The following TANC2 variants were observed in gnomAD, a reference collection of about 807,000 sequenced individuals.
TANC2 encodes tetratricopeptide repeat, ankyrin repeat and coiled-coil containing 2.
Under a neutral mutation model 210.5 loss-of-function variants are expected in TANC2, and 26 were observed. The observed-to-expected ratio is 0.12, with a 90% CI of 0.09 to 0.17. TANC2 has a LOEUF of 0.17. Ranked by LOEUF, TANC2 falls within the 10% of genes least tolerant of loss-of-function variation. The pLI is 1.00. For missense variants in TANC2, 2,129 were observed against 2,608.9 expected (o/e 0.82, Z 4.01); for synonymous variants, 931 against 967.1 (o/e 0.96, Z 0.69).
chr17:63,361,609 G>T (rs1385849135), intron 14 of TANC2, among the ~76,000 whole-genome samples: 2 of 152,224 alleles, frequency 1.3e-5, no homozygotes, highest in African/African-American at 2.4e-5. Context: ...GCCCAAAGAG[G>T]GTGTCACAGC....
chr17:63,342,439 AACTGCTC>A (rs1458917795), intron 12 of TANC2, among the ~76,000 whole-genome samples: 3 of 152,152 alleles, frequency 2.0e-5, no homozygotes, highest in Admixed American at 2.0e-4. Context: ...TGAATATAGA[AACTGCTC>A]ACATGTAGGA....
chr17:63,420,551 A>C lies in TANC2; in HGVS notation c.4821A>C (p.Gly1607=), dbSNP rs765936077. Residue 1607 remains glycine (G), a synonymous_variant, in exon 28 of 28, where the codon GGA becomes GGC. Transcript: ENST00000689528. This position sits in a 1 kb window ranked among gnomAD's most constrained non-coding sequence, Gnocchi z 4.2. ...GTTTCAGCCCCCCTCCTGTGGGAGG[A>C]CAGGGCAAAGAATACCCAAGCCCTC... 23 of 1,613,712 alleles carry C rather than the reference A, an allele frequency of 1.4e-5. No individual in the cohort carries two copies. Among genetic ancestry groups the C allele is most frequent in the Non-Finnish European group, 1.9e-5 (23 of 1,179,852 alleles).
At chr17:63,034,904 A>G (rs1290717844) in intron 2 of TANC2, among the ~76,000 whole-genome samples, 2 of 152,350 alleles carry the variant, frequency 1.3e-5, no homozygotes, top group East Asian at 3.9e-4. Context: ...TGCTGTGAAC[A>G]TTGTTGAAAT....
intron 8 of TANC2, among the ~76,000 whole-genome samples, chr17:63,266,488 T>C (rs2043531824): frequency 6.6e-6 from 1 of 152,174 alleles, no homozygotes; most frequent in Non-Finnish European, 1.5e-5. Context: ...TTACTTACTG[T>C]CATAATTCTT....
intron 1 of TANC2, among the ~76,000 whole-genome samples, chr17:62,991,639 CAAAAA>C (rs576514397): frequency 1.1e-4 from 7 of 62,672 alleles, no homozygotes; most frequent in African/African-American, 2.2e-4. Context: ...GACTCCGTCT[CAAAAA>C]AAAAAAAAAC....
chr17:62,984,515 TCTTG>T (rs1184810930), intron 1 of TANC2, among the ~76,000 whole-genome samples: 2 of 152,034 alleles, frequency 1.3e-5, no homozygotes, highest in Non-Finnish European at 2.9e-5. Flanking sequence ...TTCGGCTTGT[TCTTG>T]CTTTTCTAGT....
chr17:63,286,628 G>A (rs2044229546), intron 9 of TANC2, among the ~76,000 whole-genome samples: 1 of 152,030 alleles, frequency 6.6e-6, no homozygotes, highest in African/African-American at 2.4e-5. Context: ...GAACTTCTTG[G>A]ATCAGTGGGC....
intron 5 of TANC2, among the ~76,000 whole-genome samples, chr17:63,178,112 A>G (rs1013319179): frequency 6.6e-6 from 1 of 152,194 alleles, no homozygotes; most frequent in Non-Finnish European, 1.5e-5. Flanking sequence ...TGGGCGGGTC[A>G]CAAGGTCAGG....
intron 8 of TANC2, among the ~76,000 whole-genome samples, chr17:63,251,913 C>T (rs2043063455): frequency 6.6e-6 from 1 of 151,990 alleles, no homozygotes. Flanking sequence ...TAAATCAAGG[C>T]GATAGAATAG....
chr17:63,308,510 G>A (rs900500564), intron 9 of TANC2, among the ~76,000 whole-genome samples: 2 of 152,100 alleles, frequency 1.3e-5, no homozygotes, highest in South Asian at 2.1e-4. Flanking sequence ...TATAAACCAA[G>A]TACTCAGCCT....
intron 9 of TANC2, among the ~76,000 whole-genome samples, chr17:63,304,008 A>G (rs1258547003): frequency 6.6e-6 from 1 of 151,990 alleles, no homozygotes; most frequent in African/African-American, 2.4e-5. Flanking sequence ...CAAGGTTCTT[A>G]GCTTCTTTGC....
chr17:63,284,078 A>G (rs1340620971), intron 9 of TANC2, among the ~76,000 whole-genome samples: 1 of 151,978 alleles, frequency 6.6e-6, no homozygotes, highest in Non-Finnish European at 1.5e-5. Flanking sequence ...ACCATTAGCT[A>G]TGTCAATATG....
Position 63,277,090 on chromosome 17 carries a change from T to C in TANC2, c.1159+9217T>C, listed in dbSNP as rs1302087801. The stretch of plus-strand genomic sequence containing the variant: ...CCTCTCTTCCTAAATAGTACTTCAG[T>C]TTTCCTCTCACTTGAGCTTTAAATC... On this transcript the variant is annotated intron_variant, in intron 9 of 27. Coordinates refer to ENST00000689528, the Ensembl canonical transcript of TANC2. 3.9e-5 allele frequency among the ~76,000 whole-genome samples: 6 copies of C among 152,064 alleles called. No homozygotes were observed. The East Asian group carries it at 1.2e-3, about 29-fold the overall frequency.
intron 9 of TANC2, among the ~76,000 whole-genome samples, chr17:63,293,661 A>G (rs1010628367): frequency 2.6e-5 from 4 of 152,220 alleles, no homozygotes; most frequent in Middle Eastern, 6.8e-3. Context: ...TTGACTGGAC[A>G]GATCTGTTAG....
chr17:63,276,431 G>T (rs549137106), intron 9 of TANC2, among the ~76,000 whole-genome samples: 11 of 150,720 alleles, frequency 7.3e-5, no homozygotes, highest in South Asian at 4.2e-4. Flanking sequence ...ACATTTTCAG[G>T]TATTAAATGT....
rs537168619 is a variant in TANC2, at chr17:63,158,318, C to T, written c.433+6938C>T. Among the ~76,000 whole-genome samples, 6 of 152,326 alleles carry T rather than the reference C, an allele frequency of 3.9e-5. No homozygotes were observed. The South Asian group carries it at 1.2e-3, about 32-fold the overall frequency. Reference sequence around the variant, plus strand: ...GCTAGTACCTATAATTTACTTAGCACAATGCCTGGAACATCAGTTATTGCT... The same window carrying T: ...GCTAGTACCTATAATTTACTTAGCATAATGCCTGGAACATCAGTTATTGCT... On this transcript the variant is annotated intron_variant, in intron 5 of 27. Coordinates refer to ENST00000689528, the Ensembl canonical transcript of TANC2.
chr17:63,406,857 A>G (rs776277685), intron 21 of TANC2, among the ~76,000 whole-genome samples: 2 of 152,198 alleles, frequency 1.3e-5, no homozygotes, highest in East Asian at 1.9e-4. Context: ...TCACCTGTGC[A>G]TAACAGTGGC....
chr17:62,968,764 T>G (rs2031513224), intron 1 of TANC2, among the ~76,000 whole-genome samples: 1 of 151,898 alleles, frequency 6.6e-6, no homozygotes, highest in Non-Finnish European at 1.5e-5. Flanking sequence ...GTGAATCACC[T>G]ATTTTCTTCA....
chr17:63,147,808 T>C lies in TANC2; in HGVS notation c.323-3462T>C, dbSNP rs183636511. Among the ~76,000 whole-genome samples, 10 of 152,354 alleles carry C rather than the reference T, an allele frequency of 6.6e-5. No individual in the cohort carries two copies. The East Asian group carries it at 1.9e-3, about 29-fold the overall frequency. On this transcript the variant is annotated intron_variant, in intron 4 of 27. Transcript: ENST00000689528. ...ATAACATATTGTATTTTCTTCAACATGATTCCCTTCTCAATTAAAAAATAA... is the reference window on the plus strand; with the variant it reads ...ATAACATATTGTATTTTCTTCAACACGATTCCCTTCTCAATTAAAAAATAA...
Sources: allele counts gnomAD v4.1 joint callset (sites outside exome capture counted in the v4.1 genomes callset), GRCh38; gene constraint gnomAD v4.1.1; non-coding constraint Gnocchi (gnomAD v3.1); transcripts MANE v1.5; gene names NCBI Gene and HGNC (gene_info 2026-07-23, HGNC 2026-07-21).